Variants in NRXN1 observed in about 807,000 individuals in gnomAD.
NRXN1 encodes neurexin 1.
In NRXN1, 39 loss-of-function variants were observed where a neutral mutation model predicts 150.9. That is an observed-to-expected ratio of 0.26 (90% confidence interval 0.20 to 0.34). The LOEUF is 0.34. NRXN1 is among the 10% of genes least tolerant of loss of function. The probability of loss-of-function intolerance (pLI) is 1.00; values close to 1 mark genes in which losing one functional copy is unlikely to be tolerated. For synonymous variants in NRXN1, 924 were observed against 757.0 expected, an observed-to-expected ratio of 1.22 and a Z score of -3.62; for missense variants, 1,815 against 1,949.9, an observed-to-expected ratio of 0.93 and a Z score of 1.30.
At chr2:50,191,205 G>GTTTT (rs59678295) in intron 18 of NRXN1, among the ~76,000 whole-genome samples, 1 of 131,596 alleles carries the variant, frequency 7.6e-6, no homozygotes. Flanking sequence ...ATTGTTTTTT[G>GTTTT]TTTTTTTTTT....
At chr2:50,861,824 C>T (rs1366185416) in intron 5 of NRXN1, among the ~76,000 whole-genome samples, 5 of 152,016 alleles carry the variant, frequency 3.3e-5, no homozygotes, top group Admixed American at 2.0e-4. Context: ...AAATGGAAAG[C>T]AAATCCATTT....
At chr2:51,002,962 T>G (rs1379009277) in intron 2 of NRXN1, among the ~76,000 whole-genome samples, 1 of 151,954 alleles carries the variant, frequency 6.6e-6, no homozygotes, top group Non-Finnish European at 1.5e-5. Flanking sequence ...ATATTCTTCC[T>G]GAGCTTATGA....
At chr2:50,304,376 A>G (rs956050497) in intron 17 of NRXN1, among the ~76,000 whole-genome samples, 3 of 152,214 alleles carry the variant, frequency 2.0e-5, no homozygotes, top group Admixed American at 1.3e-4. Context: ...GATTTGAACT[A>G]TCTTTGATTA....
At position 50,089,966 on chromosome 2, in the gene NRXN1, T is replaced by C. The variant is rs150830160; in HGVS notation, c.3718+1357A>G. ...ACCTTATTGTATATGGTTCACATAA[T>C]TGTAGTGTAAAATTGTGGTAATTCC... is the stretch of plus-strand genomic sequence containing the variant. On this transcript the variant is annotated intron_variant, in intron 19 of 22. Coordinates refer to ENST00000401669, the MANE Select transcript of NRXN1 (RefSeq NM_001330078.2). Among the ~76,000 whole-genome samples the C allele has an allele frequency of 4.2e-4, 64 of 152,320 alleles. No individual in the cohort carries two copies. In the Middle Eastern group the frequency reaches 0.014, roughly 32 times the overall value.
chr2:50,772,511 A>C (rs2105457837), intron 5 of NRXN1, among the ~76,000 whole-genome samples: 1 of 152,218 alleles, frequency 6.6e-6, no homozygotes, highest in Non-Finnish European at 1.5e-5. Flanking sequence ...GTTTTACAAA[A>C]AAAAAATTGT....
intron 17 of NRXN1, among the ~76,000 whole-genome samples, chr2:50,242,770 GA>G (rs1327762187): frequency 6.6e-6 from 1 of 151,712 alleles, no homozygotes; most frequent in African/African-American, 2.4e-5. Context: ...CTTCTGGTGG[GA>G]GGGGCAGACA....
chr2:50,656,300 T>C, intron 5 of NRXN1: 1 of 735,266 alleles, frequency 1.4e-6, no homozygotes, highest in East Asian at 2.5e-5. Flanking sequence ...GCTTTTAAAG[T>C]TACGTATCAA....
At chr2:50,612,682 G>T (rs1445924228) in intron 8 of NRXN1, among the ~76,000 whole-genome samples, 1 of 152,154 alleles carries the variant, frequency 6.6e-6, no homozygotes. Context: ...TAGGCACATT[G>T]AGGCACTACA....
At chr2:50,329,651 ATATATATATATATATATATATATTTTT>A (rs2076679857) in intron 17 of NRXN1, among the ~76,000 whole-genome samples, 3 of 9,370 alleles carry the variant, frequency 3.2e-4, no homozygotes, top group African/African-American at 2.3e-3. Flanking sequence ...ATATATATAT[ATATATATATATATATATATATATTTTT>A]TTTTTTCCCC....
Position 50,951,963 on chromosome 2 carries a change from A to ATATAT in NRXN1, c.773-26009_773-26008insATATA, listed in dbSNP as rs1387961788. On this transcript the variant is annotated intron_variant, in intron 2 of 22. Coordinates refer to ENST00000401669, the MANE Select transcript of NRXN1 (RefSeq NM_001330078.2). ...AATAAATATATATATATATATATAT[A>ATATAT]TTTTTTTTTTTTTTTTTTTTTGAGA... is the stretch of plus-strand genomic sequence containing the variant. 8.2e-3 allele frequency among the ~76,000 whole-genome samples: 613 copies of ATATAT among 74,848 alleles called. 7 individuals carry two copies. Among genetic ancestry groups the ATATAT allele is most frequent in the Middle Eastern group, 0.013 (1 of 78 alleles). The allele number at this position is 74,848 out of a possible 152,430, so 49.1% of individuals were successfully genotyped here.
At chr2:50,211,209 T>C (rs922123582) in intron 18 of NRXN1, among the ~76,000 whole-genome samples, 2 of 151,646 alleles carry the variant, frequency 1.3e-5, no homozygotes, top group Non-Finnish European at 3.0e-5. Context: ...GAATTAACCA[T>C]AGGAACTGCT....
At chr2:50,332,218 C>T in intron 17 of NRXN1, among the ~76,000 whole-genome samples, 1 of 152,156 alleles carries the variant, frequency 6.6e-6, no homozygotes, top group South Asian at 2.1e-4. Context: ...CTGTAGCTAG[C>T]TTTAAAGTAA....
At chr2:50,831,604 A>T (rs1244011227) in intron 5 of NRXN1, among the ~76,000 whole-genome samples, 2 of 152,176 alleles carry the variant, frequency 1.3e-5, no homozygotes, top group African/African-American at 2.4e-5. Context: ...ATATGTTAAG[A>T]TATGTACACA....
chr2:50,601,660 C>T lies in NRXN1; in HGVS notation c.1320+18362G>A, dbSNP rs549790774. On this transcript the variant is annotated intron_variant, in intron 8 of 22. Transcript: ENST00000401669. ...TGTAAGTTTTTCCTAACAATGTTGC[C>T]GTCCATTAAGGACTGTTTTTAGTGG... 2.2e-4 allele frequency among the ~76,000 whole-genome samples: 34 copies of T among 152,248 alleles called. 1 individual carries two copies. The South Asian group carries it at 7.0e-3, about 32-fold the overall frequency.
chr2:50,688,695 T>C (rs531202122), intron 5 of NRXN1, among the ~76,000 whole-genome samples: 2 of 152,330 alleles, frequency 1.3e-5, no homozygotes, highest in Non-Finnish European at 2.9e-5. Context: ...CATTTTTTGT[T>C]GTTGTTTTTG....
At chr2:50,738,496 G>C (rs72887593) in intron 5 of NRXN1, among the ~76,000 whole-genome samples, 1,883 of 152,236 alleles carry the variant, frequency 0.012, 50 homozygotes, top group African/African-American at 0.043. Context: ...GTAACAGTAT[G>C]GAAGCTGTGA....
intron 5 of NRXN1, among the ~76,000 whole-genome samples, chr2:50,872,541 C>T (rs552985325): frequency 5.3e-5 from 8 of 151,622 alleles, no homozygotes; most frequent in Non-Finnish European, 1.2e-4. Flanking sequence ...TAGAGGTTGA[C>T]GGGGCTACCA....
chr2:50,314,695 T>C (rs1056576285), intron 17 of NRXN1, among the ~76,000 whole-genome samples: 21 of 152,154 alleles, frequency 1.4e-4, no homozygotes, highest in African/African-American at 5.1e-4. Flanking sequence ...AAAAAGAATA[T>C]ATTTTTTGTA....
chr2:49,955,609 G>C lies in NRXN1; in HGVS notation c.4129-11818C>G, dbSNP rs553894990. ...GAAAAACATAGTTAACTATCATTTT[G>C]GGTTTTTTTTTTACCTACATAATAT... On this transcript the variant is annotated intron_variant, in intron 21 of 22. Transcript: ENST00000401669. 1.4e-3 allele frequency among the ~76,000 whole-genome samples: 177 copies of C among 123,364 alleles called. 2 individuals carry two copies. The highest frequency in any genetic ancestry group is 0.014 in the Middle Eastern group (3 of 216). The allele number at this position is 123,364 out of a possible 152,430, so 80.9% of individuals were successfully genotyped here.
Sources: allele counts gnomAD v4.1 joint callset (sites outside exome capture counted in the v4.1 genomes callset), GRCh38; gene constraint gnomAD v4.1.1; transcripts MANE v1.5; gene names NCBI Gene and HGNC (gene_info 2026-07-23, HGNC 2026-07-21).